The following CCDC7 variants were observed in gnomAD, a reference collection of about 807,000 sequenced individuals.
The protein encoded by CCDC7 is coiled-coil domain containing 7.
A neutral mutation model predicts 196.9 loss-of-function variants in CCDC7; 183 were observed. The ratio of observed to expected loss-of-function variants is 0.93; its 90% CI spans 0.82 to 1.05. The LOEUF (loss-of-function observed/expected upper bound fraction) is 1.05, where lower values mean the gene tolerates loss of function less well. Among genes scored for constraint, CCDC7 ranks in the 50% least tolerant of loss-of-function variants. CCDC7 has a pLI of 0.00. For synonymous variants in CCDC7, 525 were observed against 484.6 expected, an observed-to-expected ratio of 1.08 and a Z score of -1.10; for missense variants, 1,540 against 1,482.2, an observed-to-expected ratio of 1.04 and a Z score of -0.64.
At chr10:32,459,713 T>C (rs1451709616) in intron 3 of CCDC7, among the ~76,000 whole-genome samples, 1 of 148,466 alleles carries the variant, frequency 6.7e-6, no homozygotes, top group Non-Finnish European at 1.5e-5. Flanking sequence ...GTTTTTTTCC[T>C]TGATACAAAT....
intron 1 of CCDC7, among the ~76,000 whole-genome samples, chr10:32,452,648 G>A (rs2033372802): frequency 6.6e-6 from 1 of 151,990 alleles, no homozygotes; most frequent in South Asian, 2.1e-4. Context: ...AGTAGAGATG[G>A]GGTTTCACCA....
chr10:32,456,892 C>G (rs2034466100), intron 3 of CCDC7, among the ~76,000 whole-genome samples: 2 of 151,792 alleles, frequency 1.3e-5, no homozygotes, highest in Admixed American at 6.6e-5. Context: ...AATAATTATA[C>G]ATATTTATGG....
chr10:32,569,409 T>C (rs117911623), intron 15 of CCDC7, among the ~76,000 whole-genome samples: 5,902 of 152,292 alleles, frequency 0.039, 121 homozygotes, highest in Middle Eastern at 0.051. Flanking sequence ...TGAAGGATGC[T>C]TTATAGTTTT....
At chr10:32,664,706 A>G (rs547848278) in intron 21 of CCDC7, among the ~76,000 whole-genome samples, 20 of 152,124 alleles carry the variant, frequency 1.3e-4, no homozygotes, top group South Asian at 8.3e-4. Flanking sequence ...TTCGTTATCT[A>G]TTGATCTGTG....
At chr10:32,675,567 A>C (rs1217980867) in intron 21 of CCDC7, 1 of 152,312 alleles carries the variant, frequency 6.6e-6, no homozygotes, top group Non-Finnish European at 1.5e-5. Context: ...ACAGTATTAC[A>C]TTATTTTCTG....
intron 5 of CCDC7, among the ~76,000 whole-genome samples, chr10:32,464,584 A>C (rs1485707389): frequency 6.6e-6 from 1 of 152,126 alleles, no homozygotes; most frequent in Non-Finnish European, 1.5e-5. Flanking sequence ...ATCTCGGCTC[A>C]CTGAAGCCTT....
intron 21 of CCDC7, among the ~76,000 whole-genome samples, chr10:32,666,971 A>T (rs1002796120): frequency 5.9e-5 from 9 of 152,136 alleles, no homozygotes; most frequent in Non-Finnish European, 1.3e-4. Context: ...ACAATGGTTG[A>T]ACTAGTTTAC....
intron 29 of CCDC7, among the ~76,000 whole-genome samples, chr10:32,786,932 A>C (rs189187209): frequency 2.6e-5 from 4 of 152,358 alleles, no homozygotes; most frequent in Non-Finnish European, 1.5e-5. Flanking sequence ...GTTGAAATAA[A>C]TAATTTATAG....
intron 24 of CCDC7, among the ~76,000 whole-genome samples, chr10:32,702,719 A>C (rs2078969323): frequency 1.3e-5 from 2 of 152,162 alleles, no homozygotes; most frequent in Admixed American, 1.3e-4. Flanking sequence ...TTGGGTGCAT[A>C]CATATTTAGG....
At chr10:32,583,973 G>A (rs922290669) in intron 17 of CCDC7, among the ~76,000 whole-genome samples, 33 of 152,048 alleles carry the variant, frequency 2.2e-4, no homozygotes, top group African/African-American at 8.0e-4. Context: ...AACTATTTGC[G>A]AGGGAAAAAT....
At chr10:32,661,693 C>T (rs1337770935) in intron 20 of CCDC7, among the ~76,000 whole-genome samples, 3 of 152,134 alleles carry the variant, frequency 2.0e-5, no homozygotes, top group East Asian at 3.9e-4. Context: ...AGGCCTGGAA[C>T]GGAGGCCTCA....
chr10:32,676,458 G>T (rs189800709), intron 21 of CCDC7, among the ~76,000 whole-genome samples: 11,271 of 150,116 alleles, frequency 0.075, 506 homozygotes, highest in East Asian at 0.16. Context: ...GAAAATTTTC[G>T]CAACCTACTC....
intron 20 of CCDC7, among the ~76,000 whole-genome samples, chr10:32,647,380 G>GT (rs2067949719): frequency 6.6e-6 from 1 of 152,142 alleles, no homozygotes; most frequent in African/African-American, 2.4e-5. Flanking sequence ...GTAGAAGCAC[G>GT]TACCTGTAAT....
At chr10:32,528,765 C>CGT (rs1589559959) in intron 11 of CCDC7, among the ~76,000 whole-genome samples, 5 of 147,832 alleles carry the variant, frequency 3.4e-5, no homozygotes, top group Admixed American at 1.4e-4. Flanking sequence ...TACGTATTTA[C>CGT]ATATACACAC....
At chr10:32,516,343 A>G (rs997644688) in intron 9 of CCDC7, among the ~76,000 whole-genome samples, 3 of 151,654 alleles carry the variant, frequency 2.0e-5, no homozygotes, top group African/African-American at 7.3e-5. Context: ...GCTGGAGTGC[A>G]GTGACATGAT....
intron 21 of CCDC7, among the ~76,000 whole-genome samples, chr10:32,679,042 T>C (rs774235741): frequency 6.6e-6 from 1 of 152,198 alleles, no homozygotes; most frequent in Non-Finnish European, 1.5e-5. Context: ...TTCATGAATA[T>C]GTATTTGGGC....
intron 28 of CCDC7, among the ~76,000 whole-genome samples, chr10:32,757,422 C>G (rs1453830209): frequency 6.6e-6 from 1 of 152,226 alleles, no homozygotes; most frequent in Non-Finnish European, 1.5e-5. Context: ...ACAGTGCAAT[C>G]AAACCAGAAC....
At chr10:32,451,794 T>A (rs148965260) in exon 1 of CCDC7, 5 of 1,613,990 alleles carry the variant, frequency 3.1e-6, no homozygotes, top group Non-Finnish European at 4.2e-6. Context: ...ATTGAACCAA[T>A]GGTCCTAAGA....
At chr10:32,745,248 G>T (rs548356958) in intron 28 of CCDC7, among the ~76,000 whole-genome samples, 12 of 152,208 alleles carry the variant, frequency 7.9e-5, no homozygotes, top group African/African-American at 2.6e-4. Flanking sequence ...ATCTAACTTG[G>T]TTCTTCTCCT....
Sources: allele counts gnomAD v4.1 joint callset (sites outside exome capture counted in the v4.1 genomes callset), GRCh38; gene constraint gnomAD v4.1.1; transcripts MANE v1.5; gene names NCBI Gene and HGNC (gene_info 2026-07-23, HGNC 2026-07-21).